Variants in ABI1 observed in about 807,000 individuals in gnomAD.
ABI1 encodes abl interactor 1.
ABI1 carries 14 observed loss-of-function variants against 54.6 expected under a neutral mutation model. That is an observed-to-expected ratio of 0.26 (90% CI 0.17 to 0.40). ABI1 has a LOEUF of 0.40. ABI1 is among the 10% of genes least tolerant of loss of function. The pLI is 1.00. For synonymous variants in ABI1, 194 were observed against 209.3 expected, an observed-to-expected ratio of 0.93 and a Z score of 0.63; for missense variants, 443 against 598.3, an observed-to-expected ratio of 0.74 and a Z score of 2.71.
intron 2 of ABI1, among the ~76,000 whole-genome samples, chr10:26,795,614 G>C (rs1282509420): frequency 6.6e-6 from 1 of 151,632 alleles, no homozygotes; most frequent in Non-Finnish European, 1.5e-5. Flanking sequence ...CAATAACCCA[G>C]ATGAAAAGGA....
chr10:26,824,321 G>T (rs116982478), intron 1 of ABI1, among the ~76,000 whole-genome samples: 3,105 of 152,264 alleles, frequency 0.02, 75 homozygotes, highest in African/African-American at 0.065. Context: ...GTGATATCCA[G>T]CAATATTACA....
rs10829056 is a variant in ABI1, at chr10:26,747,342, T to A, written c.*1228A>T. 30,389 of 225,150 alleles carry A rather than the reference T, an allele frequency of 0.13. 2,709 individuals carry two copies. Among genetic ancestry groups the A allele is most frequent in the African/African-American group, 0.28 (12,409 of 44,968 alleles). 13.9% of individuals were successfully genotyped at this position (225,150 alleles called of 1,614,324 possible). ...ACACACAAAGTGCATGTGTTGCATT[T>A]TGATTATGTCAAAAGACAATCCAAG... On this transcript the variant is annotated 3_prime_UTR_variant, in exon 11 of 11. Coordinates refer to ENST00000376140, the MANE Select transcript of ABI1 (RefSeq NM_001012750.3).
intron 1 of ABI1, among the ~76,000 whole-genome samples, chr10:26,823,884 G>T (rs1190474067): frequency 6.6e-6 from 1 of 151,872 alleles, no homozygotes; most frequent in Non-Finnish European, 1.5e-5. Flanking sequence ...AGGTTAAAAG[G>T]TGACAAACTG....
At chr10:26,770,976 CAG>C (rs761664011) in intron 4 of ABI1, 97 bp downstream of exon 4, 5 of 1,197,976 alleles carry the variant, frequency 4.2e-6, no homozygotes, top group Non-Finnish European at 6.2e-6. Flanking sequence ...CAGGGAAAAG[CAG>C]ACAGACATAA....
intron 1 of ABI1, among the ~76,000 whole-genome samples, chr10:26,857,349 A>C (rs2050906885): frequency 1.4e-5 from 2 of 147,510 alleles, no homozygotes; most frequent in South Asian, 2.1e-4. Flanking sequence ...AAAAAAAAAA[A>C]ACACTTTCTG....
chr10:26,805,534 G>A (rs2046825904), intron 2 of ABI1, among the ~76,000 whole-genome samples: 1 of 152,180 alleles, frequency 6.6e-6, no homozygotes, highest in Non-Finnish European at 1.5e-5. Context: ...TCAACAGGGA[G>A]GGACTGAAGA....
intron 1 of ABI1, among the ~76,000 whole-genome samples, chr10:26,829,240 AG>A (rs2048510865): frequency 6.6e-6 from 1 of 151,634 alleles, no homozygotes; most frequent in African/African-American, 2.4e-5. Context: ...AAAAAAAAAA[AG>A]CACCAGTTTA....
At chr10:26,780,338 T>C (rs1841948482) in intron 2 of ABI1, among the ~76,000 whole-genome samples, 1 of 152,154 alleles carries the variant, frequency 6.6e-6, no homozygotes, top group Admixed American at 6.5e-5. Flanking sequence ...AGCAATCCTC[T>C]GACCTCAGCC....
At chr10:26,854,810 AT>A (rs1027208289) in intron 1 of ABI1, among the ~76,000 whole-genome samples, 34 of 152,316 alleles carry the variant, frequency 2.2e-4, no homozygotes, top group African/African-American at 8.2e-4. Flanking sequence ...ATTTCCACAT[AT>A]TTTTTGTTAA....
At chr10:26,767,916 T>G (rs1840152532) in intron 6 of ABI1, among the ~76,000 whole-genome samples, 2 of 151,460 alleles carry the variant, frequency 1.3e-5, no homozygotes. Flanking sequence ...CGTGGTGGCA[T>G]GCACCTGTAA....
chr10:26,746,764 AT>A lies in ABI1; in HGVS notation c.*1805del. On this transcript the variant is annotated 3_prime_UTR_variant, in exon 11 of 11. Transcript: ENST00000376140. ...ACTGTTAATATCCACATGTAAGGCC[AT>A]TACACAAATAAATAACCAATGTTAA... 2.3e-6 allele frequency: 1 copy of A among 426,570 alleles called. No individual in the cohort carries two copies. Among genetic ancestry groups the A allele is most frequent in the Non-Finnish European group, 4.4e-6 (1 of 229,618 alleles). The allele number at this position is 426,570 out of a possible 1,614,324, so 26.4% of individuals were successfully genotyped here.
chr10:26,751,655 T>G lies in ABI1; in HGVS notation c.1213A>C (p.Asn405His), dbSNP rs1564450879. The change falls in exon 10 of 11, where the codon AAT becomes CAT. Residue 405 changes from asparagine to histidine, a missense_variant. Physicochemically the swap from Asn to His is moderately conservative, Grantham distance 68 (BLOSUM62 1). Coordinates refer to ENST00000376140, the MANE Select transcript of ABI1 (RefSeq NM_001012750.3). ...GGATCCCCATCTGCATATGGATCAT[T>G]ATACTGAACTACTGCAGCCTCCTCA... ...EDEEAAVVQY[N>H]DPYADGDPAW... 1 of 1,614,040 alleles carries G rather than the reference T, an allele frequency of 6.2e-7. No individual in the cohort carries two copies. The highest frequency in any genetic ancestry group is 8.5e-7 in the Non-Finnish European group (1 of 1,179,974).
intron 1 of ABI1, chr10:26,839,645 T>C (rs1030630173): frequency 2.4e-4 from 146 of 620,514 alleles, no homozygotes; most frequent in Non-Finnish European, 3.3e-4. Flanking sequence ...AAGAAGTACT[T>C]CTGTTTAAAA....
intron 3 of ABI1, 136 bp from the exon 4 acceptor site, chr10:26,771,225 T>C: frequency 1.1e-6 from 1 of 904,122 alleles, no homozygotes; most frequent in Non-Finnish European, 1.7e-6. Context: ...TCAACTACTT[T>C]GTAAAGAAAA....
intron 2 of ABI1, among the ~76,000 whole-genome samples, chr10:26,793,613 T>C (rs1406332157): frequency 1.3e-5 from 2 of 152,212 alleles, no homozygotes; most frequent in African/African-American, 2.4e-5. Flanking sequence ...CTTAATTATA[T>C]AAGACAAACT....
chr10:26,784,095 C>T (rs1310649418), intron 2 of ABI1, among the ~76,000 whole-genome samples: 5 of 152,134 alleles, frequency 3.3e-5, no homozygotes, highest in African/African-American at 1.2e-4. Context: ...ATTAGTGATC[C>T]GTCTTTTAGA....
intron 1 of ABI1, among the ~76,000 whole-genome samples, chr10:26,829,459 T>C (rs1229102772): frequency 6.6e-6 from 1 of 152,058 alleles, no homozygotes; most frequent in African/African-American, 2.4e-5. Flanking sequence ...TTGCTGAGAG[T>C]AAATTTTAAG....
rs781365016 is a variant in ABI1, at chr10:26,752,453, T to C, written c.1085-670A>G. ...TTTTTAAAAAGGTTTATATTCATAA[T>C]TAGTTTTTTAATGTAGAAAGCAAGC... On this transcript the variant is annotated intron_variant, in intron 9 of 10. Transcript: ENST00000376140. 7.9e-5 allele frequency among the ~76,000 whole-genome samples: 12 copies of C among 152,310 alleles called. 1 individual carries two copies. The highest frequency in any genetic ancestry group is 1.6e-4 in the Non-Finnish European group (11 of 68,012).
intron 2 of ABI1, among the ~76,000 whole-genome samples, chr10:26,794,623 A>C (rs1055459268): frequency 6.6e-6 from 1 of 151,438 alleles, no homozygotes; most frequent in Non-Finnish European, 1.5e-5. Context: ...AAAAACAGTT[A>C]TCAACTTCAC....
Sources: allele counts gnomAD v4.1 joint callset (sites outside exome capture counted in the v4.1 genomes callset), GRCh38; gene constraint gnomAD v4.1.1; transcripts MANE v1.5; gene names NCBI Gene and HGNC (gene_info 2026-07-23, HGNC 2026-07-21).